Variants in SYCP2L observed in about 807,000 individuals in gnomAD.
The protein encoded by SYCP2L is synaptonemal complex protein 2-like.
A neutral mutation model predicts 125.8 loss-of-function variants in SYCP2L; 98 were observed. The observed-to-expected ratio is 0.78, with a 90% CI of 0.66 to 0.92. The LOEUF (loss-of-function observed/expected upper bound fraction) is 0.92, where lower values mean the gene tolerates loss of function less well. SYCP2L is among the 40% of genes least tolerant of loss of function. The probability of loss-of-function intolerance (pLI) is 0.00; values close to 1 mark genes in which losing one functional copy is unlikely to be tolerated. For missense variants in SYCP2L, 842 were observed against 936.4 expected, an observed-to-expected ratio of 0.90 and a Z score of 1.32; for synonymous variants, 317 against 325.4, an observed-to-expected ratio of 0.97 and a Z score of 0.28.
At chr6:10,896,327 C>T (rs553992594) in intron 4 of SYCP2L, among the ~76,000 whole-genome samples, 10 of 152,244 alleles carry the variant, frequency 6.6e-5, no homozygotes, top group Admixed American at 3.3e-4. Context: ...GACCAGGGCA[C>T]ATAAATGGGT....
At position 10,935,176 on chromosome 6, in the gene SYCP2L, C is replaced by G; in HGVS notation, c.1802C>G (p.Ala601Gly). 1 of 1,611,644 alleles carries G rather than the reference C, an allele frequency of 6.2e-7. No individual in the cohort carries two copies. The highest frequency in any genetic ancestry group is 8.5e-7 in the Non-Finnish European group (1 of 1,179,298). The change falls in exon 21 of 30, where the codon GCC becomes GGC. Residue 601 changes from alanine (A) to glycine (G), a missense_variant. Physicochemically the swap from Ala to Gly is moderately conservative, Grantham distance 60. Transcript: ENST00000283141. Reference sequence around the variant, plus strand: ...GCTTTTTTGACTGCTGAAGATTCTGCCCAGAAAACAGGTACATGATTTTCT... The same window carrying G: ...GCTTTTTTGACTGCTGAAGATTCTGGCCAGAAAACAGGTACATGATTTTCT... Reference protein sequence around the residue: ...SFAFLTAEDSAQKTELQDPHS... With the variant: ...SFAFLTAEDSGQKTELQDPHS...
At chr6:10,898,275 G>A (rs181941747) in intron 5 of SYCP2L, among the ~76,000 whole-genome samples, 160 bp downstream of exon 5, 41 of 152,324 alleles carry the variant, frequency 2.7e-4, no homozygotes, top group Non-Finnish European at 5.6e-4. Flanking sequence ...AGCACTTTGG[G>A]AGGCCGAGGT....
intron 29 of SYCP2L, among the ~76,000 whole-genome samples, chr6:10,972,822 C>T (rs1007966130): frequency 1.3e-5 from 2 of 152,158 alleles, no homozygotes. Flanking sequence ...GCCACCATGC[C>T]CAGCTTCCTC....
intron 26 of SYCP2L, among the ~76,000 whole-genome samples, chr6:10,960,804 G>A (rs989956956): frequency 1.3e-5 from 2 of 152,072 alleles, no homozygotes; most frequent in East Asian, 1.9e-4. Context: ...GGCCAGGCAC[G>A]GTGGCTCACG....
chr6:10,913,008 C>G, intron 14 of SYCP2L, 81 bp downstream of exon 14: 1 of 1,353,000 alleles, frequency 7.4e-7, no homozygotes, highest in East Asian at 2.4e-5. Flanking sequence ...TTATTTAATT[C>G]TAGGGCATAT....
chr6:10,968,691 A>C (rs1781717740), intron 29 of SYCP2L, among the ~76,000 whole-genome samples: 1 of 152,158 alleles, frequency 6.6e-6, no homozygotes, highest in Non-Finnish European at 1.5e-5. Context: ...GGGAGTGGGG[A>C]AGGCAGGGAA....
rs184692367 is a variant in SYCP2L, at chr6:10,973,690, G to C, written c.*38-262G>C. On this transcript the variant is annotated intron_variant, in intron 29 of 29. Transcript: ENST00000283141. ...AACATCCAACAAAATCACCTGTTAG[G>C]TTAAACTATCGAGAGATGGCAGGTA... Among the ~76,000 whole-genome samples, 4 of 152,290 alleles carry C rather than the reference G, an allele frequency of 2.6e-5. No individual in the cohort carries two copies. In the East Asian group the frequency reaches 7.7e-4, roughly 29 times the overall value.
chr6:10,940,573 A>G (rs115913262), intron 21 of SYCP2L, among the ~76,000 whole-genome samples: 1,608 of 152,342 alleles, frequency 0.011, 32 homozygotes, highest in African/African-American at 0.036. Flanking sequence ...GAAATAAGCT[A>G]GTCACTAAAG....
At chr6:10,930,334 C>T in intron 18 of SYCP2L, 36 bp from the exon 19 acceptor site, 1 of 1,593,388 alleles carries the variant, frequency 6.3e-7, no homozygotes. Context: ...CACTAACACC[C>T]CTCTAAAAAT....
intron 14 of SYCP2L, among the ~76,000 whole-genome samples, chr6:10,922,197 A>G (rs1204801232): frequency 6.6e-6 from 1 of 152,248 alleles, no homozygotes; most frequent in Non-Finnish European, 1.5e-5. Flanking sequence ...CTTCATGAAT[A>G]GATCACGTTT....
intron 1 of SYCP2L, among the ~76,000 whole-genome samples, chr6:10,887,581 A>C (rs181015910): frequency 6.8e-6 from 1 of 147,476 alleles, no homozygotes; most frequent in Admixed American, 6.7e-5. Flanking sequence ...AATAAATAAT[A>C]AAAAAAAACA....
intron 23 of SYCP2L, among the ~76,000 whole-genome samples, chr6:10,951,658 A>G (rs78681036): frequency 0.027 from 4,091 of 152,262 alleles, 149 homozygotes; most frequent in East Asian, 0.2. Flanking sequence ...ATCGGTAAAC[A>G]AAGTACTTGC....
intron 10 of SYCP2L, among the ~76,000 whole-genome samples, chr6:10,909,302 A>AT (rs1256212337): frequency 6.6e-6 from 1 of 151,260 alleles, no homozygotes; most frequent in Non-Finnish European, 1.5e-5. Flanking sequence ...CTAATTTTGT[A>AT]TTTTTAGTAG....
chr6:10,963,441 G>A (rs570712718), intron 28 of SYCP2L: 60 of 284,330 alleles, frequency 2.1e-4, no homozygotes, highest in African/African-American at 1.1e-3. Context: ...CAGTGATGGC[G>A]TATGTGTTTT....
intron 6 of SYCP2L, among the ~76,000 whole-genome samples, chr6:10,900,463 C>T (rs569285816): frequency 6.6e-6 from 1 of 152,252 alleles, no homozygotes; most frequent in African/African-American, 2.4e-5. Context: ...AGCAATTCTC[C>T]TGCCTCAGCC....
intron 6 of SYCP2L, among the ~76,000 whole-genome samples, chr6:10,900,019 T>G (rs1315859798): frequency 6.6e-6 from 1 of 152,246 alleles, no homozygotes; most frequent in Non-Finnish European, 1.5e-5. Flanking sequence ...GAGCTATATA[T>G]TCACTCTACG....
intron 6 of SYCP2L, among the ~76,000 whole-genome samples, chr6:10,902,271 T>C (rs1304208817): frequency 6.6e-6 from 1 of 152,226 alleles, no homozygotes; most frequent in East Asian, 1.9e-4. Flanking sequence ...TATCTTCATA[T>C]GCATCTTTTC....
chr6:10,919,189 C>G (rs1254874461), intron 14 of SYCP2L, among the ~76,000 whole-genome samples: 1 of 152,118 alleles, frequency 6.6e-6, no homozygotes, highest in Non-Finnish European at 1.5e-5. Context: ...CTGGTTCTTT[C>G]TCATTTGGGT....
chr6:10,917,257 C>T (rs1213130090), intron 14 of SYCP2L, among the ~76,000 whole-genome samples: 2 of 152,116 alleles, frequency 1.3e-5, no homozygotes, highest in African/African-American at 2.4e-5. Flanking sequence ...AAGTCCCCCA[C>T]GATTATCGTG....
Sources: gnomAD v4.1 joint callset for allele counts (sites outside exome capture counted in the v4.1 genomes callset) on GRCh38, gnomAD v4.1.1 for gene constraint, MANE v1.5 for transcripts, NCBI Gene and HGNC (gene_info 2026-07-23, HGNC 2026-07-21) for gene names.